The following CNTN6 variants were observed in gnomAD, a reference collection of about 807,000 sequenced individuals.
The protein encoded by CNTN6 is contactin-6.
In CNTN6, 137 loss-of-function variants were observed where a neutral mutation model predicts 122.8. The observed-to-expected ratio is 1.12, with a 90% CI of 0.97 to 1.29. The LOEUF is 1.29. Among genes scored for constraint, CNTN6 ranks in the 50% most tolerant of loss-of-function variants. The pLI is 0.00. For missense variants in CNTN6, 1,634 were observed against 1,223.4 expected (o/e 1.34, Z -5.01); for synonymous variants, 570 against 426.0 (o/e 1.34, Z -4.16).
At chr3:1,115,244 G>A (rs2091666712) in intron 1 of CNTN6, among the ~76,000 whole-genome samples, 2 of 152,008 alleles carry the variant, frequency 1.3e-5, no homozygotes, top group Admixed American at 6.6e-5. Context: ...TAAGAAGAAA[G>A]CCCACAAGTC....
chr3:1,233,734 C>CAAAAAAAA (rs1166507455), intron 4 of CNTN6, among the ~76,000 whole-genome samples: 1 of 52,154 alleles, frequency 1.9e-5, no homozygotes, highest in African/African-American at 8.6e-5. Flanking sequence ...GACTCTGTCT[C>CAAAAAAAA]AAAAAAAAAA....
In CNTN6 at chr3:1,099,197, A is replaced by G. The variant is rs571542891; in HGVS notation, c.-83+6077A>G. Among the ~76,000 whole-genome samples the G allele has an allele frequency of 1.7e-4, 26 of 152,232 alleles. No homozygotes were observed. The South Asian group carries it at 4.4e-3, about 25-fold the overall frequency. The stretch of plus-strand genomic sequence containing the variant: ...CCGGGCTCAGTGGCTCACGCCTGTA[A>G]TCCCAGCACTTTGGGAGGCCGAGGC... On this transcript the variant is annotated intron_variant, in intron 1 of 22. Transcript: ENST00000446702.
At chr3:1,145,089 T>C (rs1180671418) in intron 1 of CNTN6, among the ~76,000 whole-genome samples, 2 of 152,104 alleles carry the variant, frequency 1.3e-5, no homozygotes, top group Non-Finnish European at 2.9e-5. Flanking sequence ...AGGGATATAT[T>C]TGGGGTTGAG....
At chr3:1,310,754 G>A (rs534219275) in intron 7 of CNTN6, among the ~76,000 whole-genome samples, 2 of 152,180 alleles carry the variant, frequency 1.3e-5, no homozygotes, top group African/African-American at 4.8e-5. Flanking sequence ...GTAATCCCAG[G>A]ACTTTGGGAG....
intron 1 of CNTN6, among the ~76,000 whole-genome samples, chr3:1,138,625 C>G (rs71307999): frequency 0.096 from 14,633 of 151,952 alleles, 919 homozygotes; most frequent in Non-Finnish European, 0.15. Context: ...GTTTTTTCCT[C>G]TACCACTCTA....
chr3:1,366,892 T>C (rs1040508712), intron 12 of CNTN6, among the ~76,000 whole-genome samples: 2 of 152,198 alleles, frequency 1.3e-5, no homozygotes, highest in Non-Finnish European at 2.9e-5. Flanking sequence ...ATAATAAGCA[T>C]GCTTATGTAG....
chr3:1,245,302 ATAT>A (rs1221004912), intron 4 of CNTN6, among the ~76,000 whole-genome samples: 361 of 6,186 alleles, frequency 0.058, 85 homozygotes, highest in African/African-American at 0.18. Flanking sequence ...TAACATATAT[ATAT>A]ATATATATAT....
intron 2 of CNTN6, among the ~76,000 whole-genome samples, chr3:1,174,736 C>T (rs1386317992): frequency 2.0e-5 from 3 of 152,174 alleles, no homozygotes; most frequent in Non-Finnish European, 2.9e-5. Context: ...CAGTGGCTGA[C>T]ACATAGGAAG....
chr3:1,388,744 G>C (rs939981502), intron 20 of CNTN6, among the ~76,000 whole-genome samples: 2 of 149,216 alleles, frequency 1.3e-5, no homozygotes, highest in African/African-American at 5.0e-5. Flanking sequence ...GAAAACCAAG[G>C]CTCGAGAACT....
chr3:1,161,597 G>T (rs1330860354), intron 2 of CNTN6, among the ~76,000 whole-genome samples: 1 of 151,662 alleles, frequency 6.6e-6, no homozygotes, highest in Admixed American at 6.6e-5. Context: ...CAGAGACATG[G>T]TTGTTAAATA....
intron 5 of CNTN6, among the ~76,000 whole-genome samples, chr3:1,283,916 T>C (rs1242366027): frequency 2.0e-5 from 3 of 152,200 alleles, no homozygotes; most frequent in Non-Finnish European, 4.4e-5. Flanking sequence ...GGAGAATCAC[T>C]TGACTCTGGG....
In CNTN6 at chr3:1,402,474, C is replaced by T; in HGVS notation, c.2974C>T (p.Pro992Ser). ...DGSSSEEIRI[P>S]KMSSLSSRGI... ...AAGCAGCAGTGAGGAAATTAGGATT[C>T]CAAAAATGTCAAGTAAGTTGAGTCA... The change falls in exon 22 of 23, where the codon CCA (proline) becomes TCA (serine). Residue 992 changes from proline (P) to serine (S), a missense_variant. Coordinates refer to ENST00000446702, the MANE Select transcript of CNTN6 (RefSeq NM_001289080.2). The T allele has an allele frequency of 6.2e-7, 1 of 1,607,116 alleles. No individual in the cohort carries two copies. The highest frequency in any genetic ancestry group is 1.1e-5 in the South Asian group (1 of 90,426).
intron 16 of CNTN6, among the ~76,000 whole-genome samples, chr3:1,376,295 C>T (rs114574890): frequency 1.1e-3 from 169 of 152,118 alleles, no homozygotes; most frequent in African/African-American, 3.9e-3. Flanking sequence ...TTGTGTTAGT[C>T]CTTACAAGGA....
chr3:1,284,886 G>C (rs1307538404), intron 5 of CNTN6, among the ~76,000 whole-genome samples: 2 of 152,048 alleles, frequency 1.3e-5, no homozygotes, highest in Non-Finnish European at 2.9e-5. Context: ...ACGGCACTGA[G>C]GTCAGCATAG....
At chr3:1,107,432 G>A (rs966265602) in intron 1 of CNTN6, among the ~76,000 whole-genome samples, 1 of 152,058 alleles carries the variant, frequency 6.6e-6, no homozygotes, top group Admixed American at 6.6e-5. Context: ...GCATTCATTT[G>A]CAATTGCCAT....
At chr3:1,133,975 C>T (rs941460142) in intron 1 of CNTN6, among the ~76,000 whole-genome samples, 9 of 150,908 alleles carry the variant, frequency 6.0e-5, no homozygotes, top group Admixed American at 1.3e-4. Context: ...CACAATCAAT[C>T]GGCCTCCTGT....
intron 1 of CNTN6, among the ~76,000 whole-genome samples, chr3:1,140,207 C>T (rs2092577256): frequency 6.6e-6 from 1 of 152,132 alleles, no homozygotes; most frequent in Non-Finnish European, 1.5e-5. Flanking sequence ...CGTCACTCAT[C>T]CACATTCTTG....
At chr3:1,281,590 G>A (rs1051144321) in intron 5 of CNTN6, among the ~76,000 whole-genome samples, 2 of 151,212 alleles carry the variant, frequency 1.3e-5, no homozygotes, top group African/African-American at 4.9e-5. Context: ...TCAGCTTCCC[G>A]AGTAGCTGGA....
At chr3:1,278,095 C>T (rs184831787) in intron 4 of CNTN6, among the ~76,000 whole-genome samples, 2 of 152,280 alleles carry the variant, frequency 1.3e-5, no homozygotes, top group African/African-American at 2.4e-5. Flanking sequence ...AAAATCACAC[C>T]TTCCTTGGAC....
Sources: allele counts gnomAD v4.1 joint callset (sites outside exome capture counted in the v4.1 genomes callset), GRCh38; gene constraint gnomAD v4.1.1; transcripts MANE v1.5; gene names NCBI Gene and HGNC (gene_info 2026-07-23, HGNC 2026-07-21).